SPHKAP: variants seen among roughly 807,000 people sequenced by gnomAD.
SPHKAP encodes the protein SPHK1 interactor, AKAP domain containing.
A neutral mutation model predicts 137.5 loss-of-function variants in SPHKAP; 67 were observed. The observed-to-expected ratio is 0.49, with a 90% CI of 0.40 to 0.60. The LOEUF is 0.60. SPHKAP is among the 20% of genes least tolerant of loss of function. The probability of loss-of-function intolerance (pLI) is 0.00; values close to 1 mark genes in which losing one functional copy is unlikely to be tolerated. For missense variants in SPHKAP, 2,097 were observed against 2,069.3 expected, an observed-to-expected ratio of 1.01 and a Z score of -0.26; for synonymous variants, 813 against 785.3, an observed-to-expected ratio of 1.04 and a Z score of -0.59.
chr2:228,168,187 CATAA>C (rs1700475856), intron 1 of SPHKAP, among the ~76,000 whole-genome samples: 1 of 148,200 alleles, frequency 6.7e-6, no homozygotes, highest in African/African-American at 2.5e-5. Context: ...ATGAATAGAC[CATAA>C]TTTTATGAGC....
At chr2:228,026,219 C>T (rs1188101553) in intron 4 of SPHKAP, among the ~76,000 whole-genome samples, 2 of 152,158 alleles carry the variant, frequency 1.3e-5, no homozygotes, top group East Asian at 1.9e-4. Flanking sequence ...CAATAAACCT[C>T]TTTCTTATGT....
At chr2:228,078,394 T>TG (rs1697251856) in intron 3 of SPHKAP, among the ~76,000 whole-genome samples, 1 of 151,868 alleles carries the variant, frequency 6.6e-6, no homozygotes, top group African/African-American at 2.4e-5. Flanking sequence ...TTTTTTTTTT[T>TG]TTTTTGTAAG....
intron 7 of SPHKAP, 43 bp downstream of exon 7, chr2:228,016,363 T>C (rs1242024431): frequency 6.6e-7 from 1 of 1,512,390 alleles, no homozygotes. Flanking sequence ...AGACGCAAAC[T>C]CCAGTCACAT....
chr2:228,079,959 C>T (rs1012951004), intron 3 of SPHKAP, among the ~76,000 whole-genome samples: 2 of 152,190 alleles, frequency 1.3e-5, no homozygotes, highest in African/African-American at 4.8e-5. Context: ...ACCCTTATCT[C>T]ACACCATAGA....
intron 1 of SPHKAP, among the ~76,000 whole-genome samples, chr2:228,138,278 G>T (rs965352983): frequency 4.5e-4 from 68 of 152,246 alleles, no homozygotes; most frequent in African/African-American, 1.5e-3. Flanking sequence ...CTCTGCCTGT[G>T]GGGTATAAAT....
chr2:228,100,223 G>A (rs1418965802), intron 3 of SPHKAP, among the ~76,000 whole-genome samples: 1 of 152,136 alleles, frequency 6.6e-6, no homozygotes, highest in African/African-American at 2.4e-5. Flanking sequence ...TCAGCTCTAG[G>A]AGCCTTTTTG....
At chr2:227,995,808 A>G in intron 7 of SPHKAP, 114 bp from the exon 8 acceptor site, 1 of 1,340,172 alleles carries the variant, frequency 7.5e-7, no homozygotes, top group Non-Finnish European at 9.8e-7. Context: ...GGACACAGGC[A>G]GAGTCTCCCT....
intron 7 of SPHKAP, among the ~76,000 whole-genome samples, chr2:228,004,170 G>T (rs1346540066): frequency 6.6e-6 from 1 of 152,100 alleles, no homozygotes; most frequent in East Asian, 1.9e-4. Context: ...GGTAGAATTC[G>T]GCTGTGAATC....
At chr2:228,144,397 G>A (rs968386618) in intron 1 of SPHKAP, among the ~76,000 whole-genome samples, 6 of 152,036 alleles carry the variant, frequency 3.9e-5, no homozygotes, top group Non-Finnish European at 8.8e-5. Flanking sequence ...AATAATGCCT[G>A]GCATATTGTA....
chr2:228,058,184 C>A (rs1434305165), intron 3 of SPHKAP, among the ~76,000 whole-genome samples: 1 of 152,172 alleles, frequency 6.6e-6, no homozygotes, highest in Non-Finnish European at 1.5e-5. Flanking sequence ...CCAGCTACCC[C>A]ATTCTAGCCC....
chr2:228,028,775 C>CA (rs1235674986), intron 3 of SPHKAP, among the ~76,000 whole-genome samples: 2 of 152,156 alleles, frequency 1.3e-5, no homozygotes, highest in African/African-American at 2.4e-5. Context: ...CAAACAGTGA[C>CA]AAAATCACCT....
chr2:228,154,502 C>CTATATATATA, intron 1 of SPHKAP, among the ~76,000 whole-genome samples: 1 of 27,406 alleles, frequency 3.6e-5, no homozygotes, highest in East Asian at 1.6e-3. Context: ...CTCTCTCTCT[C>CTATATATATA]TCTCTCTCTC....
intron 7 of SPHKAP, among the ~76,000 whole-genome samples, chr2:228,003,875 C>T (rs1457902024): frequency 1.3e-5 from 2 of 152,082 alleles, no homozygotes; most frequent in Admixed American, 6.5e-5. Context: ...TATTGATTTG[C>T]GTATGTTGAA....
chr2:228,113,376 A>G (rs1698579177), intron 2 of SPHKAP, among the ~76,000 whole-genome samples: 1 of 152,118 alleles, frequency 6.6e-6, no homozygotes, highest in Admixed American at 6.6e-5. Context: ...TAAGGTTCTT[A>G]AAACAGTGCC....
Position 228,018,750 on chromosome 2 carries a change from G to A in SPHKAP, c.2104C>T (p.Leu702=). ...TTTGTACTTTCCATTAAGGTGTCCA[G>A]AATTTCAGATGAATGCCTGTTGTCA... The part of the protein sequence containing the change: ...PNDNRHSSEI[L]DTLMESTNQL... Residue 702 remains leucine (L), a synonymous_variant, in exon 7 of 12, where the codon CTG becomes TTG. Coordinates refer to ENST00000392056, the MANE Select transcript of SPHKAP (RefSeq NM_001142644.2). 4 of 1,614,196 alleles carry A rather than the reference G, an allele frequency of 2.5e-6. No individual in the cohort carries two copies. Among genetic ancestry groups the A allele is most frequent in the Non-Finnish European group, 2.5e-6 (3 of 1,180,028 alleles).
chr2:228,117,324 G>C (rs981257682), intron 2 of SPHKAP, among the ~76,000 whole-genome samples: 1 of 152,100 alleles, frequency 6.6e-6, no homozygotes, highest in Non-Finnish European at 1.5e-5. Flanking sequence ...GTGTGCTGGA[G>C]ATGTGGAGAG....
In SPHKAP at chr2:227,982,051, A is replaced by ATT. The variant is rs3082640; in HGVS notation, c.4960-193_4960-192dup. 141 of 942,826 alleles carry ATT rather than the reference A, an allele frequency of 1.5e-4. No individual in the cohort carries two copies. In the Admixed American group the frequency reaches 2.5e-3, roughly 17 times the overall value. The allele number at this position is 942,826 out of a possible 1,614,324, so 58.4% of individuals were successfully genotyped here. A position where few individuals can be genotyped will look rare whatever the true frequency, so the allele number is the denominator to read the frequency against. On this transcript the variant is annotated intron_variant, in intron 11 of 11. Coordinates refer to ENST00000392056, the MANE Select transcript of SPHKAP (RefSeq NM_001142644.2). Reference sequence around the variant, plus strand: ...ATTATTACCGAACTTCATCAAGTGAATTTTTTTTTTTTTTTTTTCACAGCA... The same window carrying ATT: ...ATTATTACCGAACTTCATCAAGTGAATTTTTTTTTTTTTTTTTTTTCACAGCA...
At chr2:228,114,597 C>T (rs1449124610) in intron 2 of SPHKAP, among the ~76,000 whole-genome samples, 1 of 152,114 alleles carries the variant, frequency 6.6e-6, no homozygotes, top group Non-Finnish European at 1.5e-5. Context: ...CAAATGAGAA[C>T]ATGCTTGTAA....
intron 7 of SPHKAP, among the ~76,000 whole-genome samples, chr2:228,015,524 T>C (rs566680708): frequency 6.6e-6 from 1 of 152,316 alleles, no homozygotes; most frequent in Non-Finnish European, 1.5e-5. Context: ...AATGATACAA[T>C]GGTCTCATAT....
Sources: allele counts gnomAD v4.1 joint callset (sites outside exome capture counted in the v4.1 genomes callset), GRCh38; gene constraint gnomAD v4.1.1; transcripts MANE v1.5; gene names NCBI Gene and HGNC (gene_info 2026-07-23, HGNC 2026-07-21).